PMM2: variants seen among roughly 807,000 people sequenced by gnomAD.
PMM2 encodes mannose-6-phosphate isomerase.
PMM2 carries 35 observed loss-of-function variants against 33.2 expected under a neutral mutation model. The ratio of observed to expected loss-of-function variants is 1.06; its 90% CI spans 0.81 to 1.40. The LOEUF is 1.40. Ranked by LOEUF, PMM2 falls within the 40% of genes most tolerant of loss-of-function variation. PMM2 has a pLI of 0.00. For synonymous variants in PMM2, 153 were observed against 114.7 expected, an observed-to-expected ratio of 1.33 and a Z score of -2.13; for missense variants, 386 against 306.0, an observed-to-expected ratio of 1.26 and a Z score of -1.95.
intron 4 of PMM2, 39 bp from the exon 5 acceptor site, chr16:8,811,040 C>G: frequency 3.3e-6 from 4 of 1,217,616 alleles, no homozygotes; most frequent in Non-Finnish European, 3.6e-6. Context: ...AAATGAATAA[C>G]GTGTTTTTGG....
intron 7 of PMM2, among the ~76,000 whole-genome samples, chr16:8,836,861 T>A (rs1392421795): frequency 1.3e-5 from 2 of 151,852 alleles, no homozygotes; most frequent in African/African-American, 4.8e-5. Context: ...TGATTTGGGA[T>A]AAAGAAAAAG....
At chr16:8,838,588 G>T (rs962599601) in intron 7 of PMM2, among the ~76,000 whole-genome samples, 2 of 151,932 alleles carry the variant, frequency 1.3e-5, no homozygotes, top group Admixed American at 6.6e-5. Context: ...GTGGTAAGGG[G>T]TGATATTGTG....
rs4985001 is a variant in PMM2, at chr16:8,811,365, A to C, written c.447+187A>C. Among the ~76,000 whole-genome samples the C allele has an allele frequency of 0.86, 130,380 of 152,102 alleles. 56,852 individuals are homozygous for C. Among genetic ancestry groups the C allele is most frequent in the East Asian group, 0.97 (5,041 of 5,180 alleles). On this transcript the variant is annotated intron_variant, in intron 5 of 7. Coordinates refer to ENST00000268261, the MANE Select transcript of PMM2 (RefSeq NM_000303.3). ...ACCTCATCTCTACAAATAATAAAAA[A>C]AAAAATTAGCTGGGCATGGTGGCAC...
intron 7 of PMM2, chr16:8,832,193 A>G: frequency 1.0e-6 from 1 of 985,396 alleles, no homozygotes; most frequent in Non-Finnish European, 1.2e-6. Context: ...ATGCTCTGAG[A>G]GTCACAAAGA....
chr16:8,801,797 A>C lies in PMM2; in HGVS notation c.67-2A>C. 1 of 1,592,424 alleles carries C rather than the reference A, an allele frequency of 6.3e-7. No individual in the cohort carries two copies. The highest frequency in any genetic ancestry group is 8.6e-7 in the Non-Finnish European group (1 of 1,163,444). Reference sequence around the variant, plus strand: ...TGTTGTATTTTCTTTCTTGAAATTTAGAAAATTACCAAAGAAATGGATGAC... The same window carrying C: ...TGTTGTATTTTCTTTCTTGAAATTTCGAAAATTACCAAAGAAATGGATGAC... On this transcript the variant is annotated splice_acceptor_variant, in intron 1 of 7. Transcript: ENST00000268261. LOFTEE classifies it high-confidence loss of function.
At chr16:8,804,716 C>T (rs1203131777) in intron 2 of PMM2, 51 bp from the exon 3 acceptor site, 7 of 1,294,760 alleles carry the variant, frequency 5.4e-6, no homozygotes, top group East Asian at 4.6e-5. Context: ...GGAGTAAAAA[C>T]ACAGGTTTTG....
intron 7 of PMM2, chr16:8,842,096 G>T (rs1284644971): frequency 2.0e-5 from 3 of 150,518 alleles, no homozygotes; most frequent in Non-Finnish European, 4.4e-5. Context: ...TGGCTGTTGT[G>T]TAAGAATTCT....
At chr16:8,845,519 CTG>C (rs1418840893) in intron 7 of PMM2, among the ~76,000 whole-genome samples, 1 of 152,100 alleles carries the variant, frequency 6.6e-6, no homozygotes, top group African/African-American at 2.4e-5. Flanking sequence ...TCCTCAGTCA[CTG>C]AGGCGGGGAG....
chr16:8,830,361 A>G (rs1002380729), intron 7 of PMM2, among the ~76,000 whole-genome samples: 2 of 152,240 alleles, frequency 1.3e-5, no homozygotes, highest in African/African-American at 4.8e-5. Flanking sequence ...GCAATAGACT[A>G]ATTCACACAG....
In PMM2 at chr16:8,836,273, G is replaced by A. The variant is rs145344454; in HGVS notation, c.640-11451G>A. ...ATGGGGCTTCCGAGGGGATTGGGCA[G>A]TGTCAGTCTTCAGCTGCTAAGCCGA... On this transcript the variant is annotated intron_variant, in intron 7 of 7. Coordinates refer to ENST00000268261, the MANE Select transcript of PMM2 (RefSeq NM_000303.3). Among the ~76,000 whole-genome samples, 595 of 152,180 alleles carry A rather than the reference G, an allele frequency of 3.9e-3. 8 individuals are homozygous for A. The highest frequency in any genetic ancestry group is 0.014 in the African/African-American group (571 of 41,520).
rs1245998322 is a variant in PMM2 at position 8,802,830 on chromosome 16, T to TG, written c.178+922dup. On this transcript the variant is annotated intron_variant, in intron 2 of 7. Coordinates refer to ENST00000268261, the MANE Select transcript of PMM2 (RefSeq NM_000303.3). ...GGGCAATAAGAACGAAACTCCGTCT[T>TG]GGAAAAAAAAAAAAATTATAAGTGG... 3.6e-4 allele frequency among the ~76,000 whole-genome samples: 9 copies of TG among 25,168 alleles called. No individual in the cohort carries two copies. In the South Asian group the frequency reaches 7.6e-3, roughly 21 times the overall value. The allele number at this position is 25,168 out of a possible 152,430, so 16.5% of individuals were successfully genotyped here. A position where few individuals can be genotyped will look rare whatever the true frequency, so the allele number is the denominator to read the frequency against.
chr16:8,801,359 T>A (rs1335144209), intron 1 of PMM2, among the ~76,000 whole-genome samples: 1 of 152,178 alleles, frequency 6.6e-6, no homozygotes, highest in Non-Finnish European at 1.5e-5. Flanking sequence ...TGTACAGAGC[T>A]GGTAACTTAA....
intron 6 of PMM2, among the ~76,000 whole-genome samples, chr16:8,811,955 C>T (rs1051184030): frequency 6.6e-6 from 1 of 152,214 alleles, no homozygotes; most frequent in African/African-American, 2.4e-5. Flanking sequence ...TCTTACCCAA[C>T]AGCATTCTTC....
chr16:8,840,555 G>A (rs997840643), intron 7 of PMM2, among the ~76,000 whole-genome samples: 3 of 152,060 alleles, frequency 2.0e-5, no homozygotes, highest in South Asian at 2.1e-4. Context: ...GGGTAAGGAC[G>A]AAAAACCTAA....
intron 7 of PMM2, among the ~76,000 whole-genome samples, chr16:8,817,904 A>T (rs2060716812): frequency 1.1e-5 from 1 of 89,050 alleles, no homozygotes; most frequent in Non-Finnish European, 2.3e-5. Context: ...TTTGCAAAGA[A>T]GATTTTTTTT....
At chr16:8,825,454 G>A (rs1013412579) in intron 7 of PMM2, among the ~76,000 whole-genome samples, 1 of 151,772 alleles carries the variant, frequency 6.6e-6, no homozygotes, top group African/African-American at 2.4e-5. Context: ...CAAGTAGCTG[G>A]GATTACAGGC....
In PMM2 at chr16:8,848,657, C is replaced by T. The variant is rs575092025; in HGVS notation, c.*832C>T. ...TTACCCAGGTCCAGAGAAACCAACG[C>T]GGGATGTCAGACTTCACCAAAAGGA... On this transcript the variant is annotated 3_prime_UTR_variant, in exon 8 of 8. Coordinates refer to ENST00000268261, the MANE Select transcript of PMM2 (RefSeq NM_000303.3). The T allele has an allele frequency of 1.4e-4, 22 of 152,216 alleles. No homozygotes were observed. The highest frequency in any genetic ancestry group is 1.9e-4 in the East Asian group (1 of 5,176). 9.4% of individuals were successfully genotyped at this position (152,216 alleles called of 1,614,324 possible). A position where few individuals can be genotyped will look rare whatever the true frequency, so the allele number is the denominator to read the frequency against.
At chr16:8,834,454 A>G in intron 7 of PMM2, among the ~76,000 whole-genome samples, 1 of 151,900 alleles carries the variant, frequency 6.6e-6, no homozygotes, top group Non-Finnish European at 1.5e-5. Flanking sequence ...ACCCTGTAGG[A>G]AAGGCCTCTA....
chr16:8,836,527 A>C (rs1260427874), intron 7 of PMM2, among the ~76,000 whole-genome samples: 1 of 151,994 alleles, frequency 6.6e-6, no homozygotes, highest in South Asian at 2.1e-4. Flanking sequence ...GCTGCGGTTC[A>C]GGCGTTTGGA....
Sources: allele counts gnomAD v4.1 joint callset (sites outside exome capture counted in the v4.1 genomes callset), GRCh38; gene constraint gnomAD v4.1.1; transcripts MANE v1.5; gene names NCBI Gene and HGNC (gene_info 2026-07-23, HGNC 2026-07-21).